Variants in SLC49A3 observed in about 807,000 individuals in gnomAD.
The protein encoded by SLC49A3 is solute carrier family 49 member 3, also known as solute carrier family 49 member A3.
Under a neutral mutation model 43.8 loss-of-function variants are expected in SLC49A3, and 50 were observed. The ratio of observed to expected loss-of-function variants is 1.14; its 90% CI spans 0.91 to 1.45. SLC49A3 has a LOEUF of 1.45. Among genes scored for constraint, SLC49A3 ranks in the 40% most tolerant of loss-of-function variants. The probability of loss-of-function intolerance (pLI) is 0.00; values close to 1 mark genes in which losing one functional copy is unlikely to be tolerated. For missense variants in SLC49A3, 906 were observed against 774.1 expected (o/e 1.17, Z -2.02); for synonymous variants, 413 against 352.0 (o/e 1.17, Z -1.94).
At chr4:679,866 A>G (rs778545169), downstream of SLC49A3, 20 of 1,543,454 alleles carry the variant, frequency 1.3e-5, no homozygotes, top group Admixed American at 6.8e-5. Flanking sequence ...CTGGTGGCAC[A>G]GGGCAGGCAA....
rs139281564 is a variant in SLC49A3 at position 684,553 on chromosome 4, C to T, written c.770G>A (p.Gly257Glu). Residue 257 changes from glycine to glutamate, a missense_variant, in exon 6 of 10, where the codon GGA (glycine) becomes GAA (glutamate). Gly to Glu is a moderately conservative substitution (Grantham distance 98). Transcript: ENST00000322224. The part of the protein sequence containing the change: ...AYVILAVCLG[G>E]MIGISASFSA... ...GAAGCTGGCAGAGATCCCGATCATT[C>T]CCCCCAAGCACACAGCCAGGATGAC... The T allele has an allele frequency of 5.5e-5, 88 of 1,612,990 alleles. No individual in the cohort carries two copies. Among genetic ancestry groups the T allele is most frequent in the Non-Finnish European group, 6.5e-5 (77 of 1,179,886 alleles).
At chr4:688,151 T>C (rs9991613) in intron 1 of SLC49A3, 30,535 of 152,380 alleles carry the variant, frequency 0.2, 3,651 homozygotes, top group African/African-American at 0.33. Context: ...TGCCTGGACA[T>C]GGTGGGCCAG....
At chr4:676,873 C>G (rs1034670446), downstream of SLC49A3, 52 of 985,226 alleles carry the variant, frequency 5.3e-5, no homozygotes, top group African/African-American at 1.7e-5. Flanking sequence ...CTCCAGGGTC[C>G]TCAACCTCAG....
At position 685,440 on chromosome 4, in the gene SLC49A3, C is replaced by T. The variant is rs1029041141; in HGVS notation, c.585+395G>A. On this transcript the variant is annotated intron_variant, in intron 4 of 9. Transcript: ENST00000322224. This position sits in a 1 kb window ranked among gnomAD's most constrained non-coding sequence, Gnocchi z 4.3. ...ACTGGCCGGGCGCGGTGGCTCACGC[C>T]TGTCATCCTAGCACTTTGGGAAGCC... Among the ~76,000 whole-genome samples the T allele has an allele frequency of 6.6e-6, 1 of 151,924 alleles. No homozygotes were observed. Among genetic ancestry groups the T allele is most frequent in the African/African-American group, 2.4e-5 (1 of 41,312 alleles).
chr4:680,824 C>T (rs2109355042), downstream of SLC49A3: 4 of 629,390 alleles, frequency 6.4e-6, no homozygotes, highest in South Asian at 7.8e-5. Context: ...GCCCACTCCT[C>T]CATCTTCAGC....
At chr4:680,954 C>A (rs1739414640), downstream of SLC49A3, 3 of 992,758 alleles carry the variant, frequency 3.0e-6, no homozygotes, top group African/African-American at 4.8e-5. Flanking sequence ...AGGGACCTGC[C>A]CCAGGGCCAC....
In SLC49A3 at chr4:685,936, T is replaced by A; in HGVS notation, c.509-25A>T. ...GCTGGGTGGGCGGATGCACAAAGTG[T>A]CAGCTCGGCTGTGGCCTGGCTTCAT... On this transcript the variant is annotated intron_variant, in intron 3 of 9. Coordinates refer to ENST00000322224, the MANE Select transcript of SLC49A3 (RefSeq NM_032219.4). The surrounding 1 kb of genome is among the most constrained non-coding windows in gnomAD (Gnocchi z 4.3). The A allele has an allele frequency of 6.2e-7, 1 of 1,613,528 alleles. No individual in the cohort carries two copies. The highest frequency in any genetic ancestry group is 8.5e-7 in the Non-Finnish European group (1 of 1,179,930).
At chr4:691,420 C>T (rs1049854462), upstream of SLC49A3, among the ~76,000 whole-genome samples, 2 of 151,534 alleles carry the variant, frequency 1.3e-5, no homozygotes, top group South Asian at 2.1e-4. Context: ...ATGGTGAAAC[C>T]GTCTTCACTA....
At chr4:690,164 G>A (rs1169985026), upstream of SLC49A3, among the ~76,000 whole-genome samples, 2 of 152,040 alleles carry the variant, frequency 1.3e-5, no homozygotes, top group East Asian at 3.9e-4. Context: ...TCACTGTGCA[G>A]TCTTCTGCAG....
At position 684,853 on chromosome 4, in the gene SLC49A3, C is replaced by T. The variant is rs777344885; in HGVS notation, c.589G>A (p.Gly197Ser). The change falls in exon 5 of 10, where the codon GGT becomes AGT. Residue 197 changes from glycine (G) to serine (S), a missense_variant. Physicochemically the swap from Gly to Ser is moderately conservative, Grantham distance 56. Coordinates refer to ENST00000322224, the MANE Select transcript of SLC49A3 (RefSeq NM_032219.4). ...KKGEDIPLML[G>S]VYTIPAGVVC... ...ACGCCAGCAGGGATGGTATAGACAC[C>T]GAGCTGGGGAGGGGTGTGTGTGCAC... 1.6e-5 allele frequency: 26 copies of T among 1,611,380 alleles called. No homozygotes were observed. Among genetic ancestry groups the T allele is most frequent in the Admixed American group, 1.5e-4 (9 of 59,742 alleles).
In SLC49A3 at chr4:684,515, C is replaced by T. The variant is rs1047708910; in HGVS notation, c.808G>A (p.Glu270Lys). Residue 270 changes from glutamate to lysine, a missense_variant, in exon 6 of 10, where the codon GAG becomes AAG. By Grantham distance (56) the Glu-to-Lys change is moderately conservative. Transcript: ENST00000322224. ...TGGCCGCTTGCACAGAGGATCTGCT[C>T]CAGGAGGGCTGAGAAGCTGGCAGAG... ...GISASFSALL[E>K]QILCASGHSS... The T allele has an allele frequency of 3.1e-6, 5 of 1,613,086 alleles. No individual in the cohort carries two copies. In the African/African-American group the frequency reaches 5.3e-5, roughly 17 times the overall value.
rs370769643 is a variant in SLC49A3, at chr4:686,079, C to G, written c.508+10G>C. On this transcript the variant is annotated intron_variant, in intron 3 of 9. Coordinates refer to ENST00000322224, the MANE Select transcript of SLC49A3 (RefSeq NM_032219.4). ...AGCCCAGGCAGGCGGCCTCCCTCCCCGGAACTCACACATGGTGGCGAGCAT... is the reference window on the plus strand; with the variant it reads ...AGCCCAGGCAGGCGGCCTCCCTCCCGGGAACTCACACATGGTGGCGAGCAT... 1 of 1,612,622 alleles carries G rather than the reference C, an allele frequency of 6.2e-7. No homozygotes were observed.
rs2109441608 is a variant in SLC49A3 at position 686,560 on chromosome 4, A to G, written c.266T>C (p.Ile89Thr). ...CGCACGGAGCCCGACGGAGTCCAGG[A>G]TCCAGATGGCCGCCACGCCAAATGG... ...STPFGVAAIW[I>T]LDSVGLRAAT... Residue 89 changes from isoleucine (I) to threonine (T), a missense_variant, in exon 2 of 10, where the codon ATC (isoleucine) becomes ACC (threonine). By Grantham distance (89) the Ile-to-Thr change is moderately conservative (BLOSUM62 -1). Transcript: ENST00000322224. 3.7e-6 allele frequency: 6 copies of G among 1,613,008 alleles called. No homozygotes were observed. In the East Asian group the frequency reaches 1.1e-4, roughly 30 times the overall value.
At position 684,537 on chromosome 4, in the gene SLC49A3, A is replaced by G. The variant is rs1577358342; in HGVS notation, c.786T>C (p.Ser262=). 1 of 1,613,242 alleles carries G rather than the reference A, an allele frequency of 6.2e-7. No individual in the cohort carries two copies. Among genetic ancestry groups the G allele is most frequent in the Non-Finnish European group, 8.5e-7 (1 of 1,179,954 alleles). ...GCTCCAGGAGGGCTGAGAAGCTGGC[A>G]GAGATCCCGATCATTCCCCCCAAGC... The part of the protein sequence containing the change: ...AVCLGGMIGI[S]ASFSALLEQI... The change falls in exon 6 of 10, where the codon TCT becomes TCC. Residue 262 remains serine (S), a synonymous_variant. Coordinates refer to ENST00000322224, the MANE Select transcript of SLC49A3 (RefSeq NM_032219.4).
At position 682,052 on chromosome 4, in the gene SLC49A3, C is replaced by T. The variant is rs1577344619; in HGVS notation, c.1586G>A (p.Arg529His). The change falls in exon 10 of 10, where the codon CGC becomes CAC. Residue 529 changes from arginine to histidine, a missense_variant. By Grantham distance (29) the Arg-to-His change is conservative. Transcript: ENST00000322224. ...QGPAATDAPS[R>H]PGRLAGRVQA... ...GACCCTGCCTGCGAGTCTGCCGGGG[C>T]GGGAGGGCGCGTCGGTGGCTGCTGG... The T allele has an allele frequency of 2.8e-6, 4 of 1,413,898 alleles. No individual in the cohort carries two copies. Among genetic ancestry groups the T allele is most frequent in the Non-Finnish European group, 2.8e-6 (3 of 1,071,920 alleles). The allele number at this position is 1,413,898 out of a possible 1,614,324, so 87.6% of individuals were successfully genotyped here.
rs1294987479 is a variant in SLC49A3 at position 683,271 on chromosome 4, C to T, written c.1090G>A (p.Ala364Thr). The T allele has an allele frequency of 1.2e-6, 2 of 1,612,616 alleles. No homozygotes were observed. Among genetic ancestry groups the T allele is most frequent in the African/African-American group, 1.3e-5 (1 of 74,882 alleles). The change falls in exon 8 of 10, where the codon GCG (alanine) becomes ACG (threonine). Residue 364 changes from alanine (A) to threonine (T), a missense_variant. Physicochemically the swap from Ala to Thr is moderately conservative, Grantham distance 58 (BLOSUM62 0). Transcript: ENST00000322224. ...FSVGPVAMEL[A>T]VECSFPVGEG... ...CCCACGGGGAAGGAACACTCGACCG[C>T]CAACTCCATGGCCACGGGGCCCACC... is the stretch of plus-strand genomic sequence containing the variant.
downstream of SLC49A3, among the ~76,000 whole-genome samples, chr4:679,557 G>A (rs1021215879): frequency 6.6e-6 from 1 of 152,186 alleles, no homozygotes; most frequent in Non-Finnish European, 1.5e-5. Context: ...AGGGGGCTTC[G>A]GTCCTGCCCT....
downstream of SLC49A3, chr4:677,960 A>G: frequency 2.5e-6 from 4 of 1,612,912 alleles, no homozygotes; most frequent in Non-Finnish European, 3.4e-6. Context: ...TGGGGGACCA[A>G]GCAGGAGCTT....
At position 684,845 on chromosome 4, in the gene SLC49A3, A is replaced by ATAGACGCCAGCAGGGATGGTG. The variant is rs1355166206; in HGVS notation, c.596_597insCACCATCCCTGCTGGCGTCTA (p.Tyr199_Val205dup). On this transcript the variant is annotated inframe_insertion, in exon 5 of 10. Coordinates refer to ENST00000322224, the MANE Select transcript of SLC49A3 (RefSeq NM_032219.4). ...GGCAGACGACGCCAGCAGGGATGGT[A>ATAGACGCCAGCAGGGATGGTG]TAGACACCGAGCTGGGGAGGGGTGT... 9 of 1,612,050 alleles carry ATAGACGCCAGCAGGGATGGTG rather than the reference A, an allele frequency of 5.6e-6. No individual in the cohort carries two copies. The highest frequency in any genetic ancestry group is 7.6e-6 in the Non-Finnish European group (9 of 1,179,774).
Sources: gnomAD v4.1 joint callset for allele counts (sites outside exome capture counted in the v4.1 genomes callset) on GRCh38, gnomAD v4.1.1 for gene constraint, Gnocchi (gnomAD v3.1) non-coding constraint, MANE v1.5 for transcripts, NCBI Gene and HGNC (gene_info 2026-07-23, HGNC 2026-07-21) for gene names.